Variants in DPP6 observed in about 807,000 individuals in gnomAD.
The protein encoded by DPP6 is dipeptidyl peptidase like 6, also known as A-type potassium channel modulatory protein DPP6.
In DPP6, 69 loss-of-function variants were observed where a neutral mutation model predicts 122.6. The observed-to-expected ratio is 0.56, with a 90% CI of 0.46 to 0.69. The LOEUF (loss-of-function observed/expected upper bound fraction) is 0.69, where lower values mean the gene tolerates loss of function less well. Among genes scored for constraint, DPP6 ranks in the 30% least tolerant of loss-of-function variants. The pLI is 0.00. For missense variants in DPP6, 928 were observed against 1,116.9 expected (o/e 0.83, Z 2.41); for synonymous variants, 418 against 433.1 (o/e 0.97, Z 0.43).
At chr7:154,681,127 C>A (rs1321187965) in intron 7 of DPP6, among the ~76,000 whole-genome samples, 1 of 152,094 alleles carries the variant, frequency 6.6e-6, no homozygotes, top group Non-Finnish European at 1.5e-5. Context: ...AGCCTTGAGA[C>A]TCACTCTTAA....
chr7:153,814,666 T>G, the DPP6 span, among the ~76,000 whole-genome samples: 1 of 152,178 alleles, frequency 6.6e-6, no homozygotes, highest in Non-Finnish European at 1.5e-5. Context: ...AAAGGAGAAT[T>G]TTAGACCAAT....
At chr7:154,208,922 C>T (rs562036527) in intron 1 of DPP6, among the ~76,000 whole-genome samples, 77 of 152,276 alleles carry the variant, frequency 5.1e-4, no homozygotes, top group African/African-American at 1.6e-3. Context: ...AATTTATACA[C>T]GTCTACTAAA....
intron 6 of DPP6, among the ~76,000 whole-genome samples, chr7:154,661,936 A>G (rs1436410502): frequency 6.0e-5 from 9 of 149,836 alleles, no homozygotes; most frequent in Admixed American, 3.3e-4. Context: ...ACCATGGCGT[A>G]TTGGCGGTAG....
intron 10 of DPP6, among the ~76,000 whole-genome samples, chr7:154,779,898 T>A (rs1438410184): frequency 6.6e-6 from 1 of 152,240 alleles, no homozygotes; most frequent in Admixed American, 6.5e-5. Context: ...TATTATTTTA[T>A]CTGAATTTGT....
chr7:154,001,580 C>A lies in DPP6; in HGVS notation c.51+113846C>A, dbSNP rs1797694791. ...GCTCCACTGCTGGCAGTTTATAAAT[C>A]TTTCCAGTGTTTTCATTGAGGGTTG... On this transcript the variant is annotated intron_variant, in intron 1 of 25. Transcript: ENST00000404039. 2.6e-5 allele frequency among the ~76,000 whole-genome samples: 4 copies of A among 152,074 alleles called. No homozygotes were observed. In the South Asian group the frequency reaches 8.3e-4, roughly 32 times the overall value.
chr7:154,416,913 C>A (rs1166669052), intron 1 of DPP6, among the ~76,000 whole-genome samples: 2 of 152,186 alleles, frequency 1.3e-5, no homozygotes, highest in Non-Finnish European at 2.9e-5. Context: ...CATGCAAAAT[C>A]TCTTGAGCAA....
intron 1 of DPP6, among the ~76,000 whole-genome samples, chr7:154,006,812 T>C (rs1449258894): frequency 1.3e-5 from 2 of 152,260 alleles, no homozygotes; most frequent in Non-Finnish European, 2.9e-5. Flanking sequence ...TAATTATTAA[T>C]GGTCACCCCA....
chr7:154,871,025 C>T (rs766125577), intron 18 of DPP6, among the ~76,000 whole-genome samples: 11 of 151,762 alleles, frequency 7.2e-5, no homozygotes, highest in Non-Finnish European at 1.5e-4. Flanking sequence ...ACCATTGCCC[C>T]GGCATGTCTC....
chr7:154,810,099 A>C (rs1587213566), intron 16 of DPP6, among the ~76,000 whole-genome samples: 1 of 152,168 alleles, frequency 6.6e-6, no homozygotes, highest in Non-Finnish European at 1.5e-5. Context: ...CAAATGTTCC[A>C]CCTGCCTTGG....
intron 5 of DPP6, among the ~76,000 whole-genome samples, chr7:154,621,610 G>T (rs138062809): frequency 1.3e-5 from 2 of 152,072 alleles, no homozygotes; most frequent in Admixed American, 6.5e-5. Flanking sequence ...CAGGTGATCC[G>T]CCCACCTTGG....
At chr7:153,964,214 T>C (rs920622348) in intron 1 of DPP6, among the ~76,000 whole-genome samples, 1 of 152,142 alleles carries the variant, frequency 6.6e-6, no homozygotes, top group Non-Finnish European at 1.5e-5. Flanking sequence ...CAAGCTGATC[T>C]CGAACTCCTG....
At chr7:153,749,444 C>T in the DPP6 span, among the ~76,000 whole-genome samples, 4,624 of 149,292 alleles carry the variant, frequency 0.031, no homozygotes, top group African/African-American at 0.06. This position sits in a 1 kb window ranked among gnomAD's most constrained non-coding sequence, Gnocchi z 4.1. Context: ...GCGCGCGGGG[C>T]TCTCCCGCGG....
At chr7:154,383,457 C>T (rs992343677) in intron 1 of DPP6, among the ~76,000 whole-genome samples, 2 of 152,096 alleles carry the variant, frequency 1.3e-5, no homozygotes, top group Admixed American at 6.5e-5. Flanking sequence ...TTTTCACCGT[C>T]GAGGGCATGT....
chr7:154,600,739 T>G lies in DPP6; in HGVS notation c.627+33823T>G, dbSNP rs537917545. ...TAAAGTAATGGCATATTTGGTTTGT[T>G]GTCATAGTTTAATCATGAACTGTTT... is the stretch of plus-strand genomic sequence containing the variant. On this transcript the variant is annotated intron_variant, in intron 5 of 25. Coordinates refer to ENST00000377770, the MANE Select transcript of DPP6 (RefSeq NM_130797.4). Among the ~76,000 whole-genome samples, 172 of 121,890 alleles carry G rather than the reference T, an allele frequency of 1.4e-3. 34 individuals are homozygous for G. The highest frequency in any genetic ancestry group is 4.4e-3 in the African/African-American group (168 of 38,346). 80.0% of individuals were successfully genotyped at this position (121,890 alleles called of 152,430 possible). A position where few individuals can be genotyped will look rare whatever the true frequency, so the allele number is the denominator to read the frequency against.
At chr7:154,196,501 C>G (rs1394117047) in intron 1 of DPP6, among the ~76,000 whole-genome samples, 1 of 152,140 alleles carries the variant, frequency 6.6e-6, no homozygotes, top group Non-Finnish European at 1.5e-5. Flanking sequence ...AAAAACAAAA[C>G]AAAACTCACA....
chr7:153,959,200 G>C (rs1018626566), intron 1 of DPP6, among the ~76,000 whole-genome samples: 1 of 151,848 alleles, frequency 6.6e-6, no homozygotes, highest in Non-Finnish European at 1.5e-5. Context: ...AGCAGGGAAG[G>C]CTGGGGCTTC....
Position 154,689,276 on chromosome 7 carries a change from A to C in DPP6, c.762+19835A>C, listed in dbSNP as rs117843343. Reference sequence around the variant, plus strand: ...TTTCAGGAAGGCCATTTCTATTTCTAGTTTGCACGATTTATTTGGGAATGA... The same window carrying C: ...TTTCAGGAAGGCCATTTCTATTTCTCGTTTGCACGATTTATTTGGGAATGA... On this transcript the variant is annotated intron_variant, in intron 7 of 25. Transcript: ENST00000377770. Among the ~76,000 whole-genome samples, 161 of 152,134 alleles carry C rather than the reference A, an allele frequency of 1.1e-3. 3 individuals are homozygous for C. In the East Asian group the frequency reaches 0.03, roughly 28 times the overall value.
chr7:153,923,965 A>G (rs779011669), intron 1 of DPP6, among the ~76,000 whole-genome samples: 24 of 152,100 alleles, frequency 1.6e-4, no homozygotes, highest in Non-Finnish European at 3.4e-4. Context: ...AAATATCACC[A>G]GGCACACAAG....
At chr7:153,942,478 A>T (rs1801741958) in intron 1 of DPP6, among the ~76,000 whole-genome samples, 1 of 152,134 alleles carries the variant, frequency 6.6e-6, no homozygotes, top group Non-Finnish European at 1.5e-5. Context: ...TCCTTTGCTG[A>T]ATGCTGCATA....
Sources: gnomAD v4.1 joint callset for allele counts (sites outside exome capture counted in the v4.1 genomes callset) on GRCh38, gnomAD v4.1.1 for gene constraint, Gnocchi (gnomAD v3.1) non-coding constraint, MANE v1.5 for transcripts, NCBI Gene and HGNC (gene_info 2026-07-23, HGNC 2026-07-21) for gene names.